The following CACNA1E variants were observed in gnomAD, a reference collection of about 807,000 sequenced individuals.
CACNA1E encodes calcium voltage-gated channel subunit alpha1 E, also known as voltage-dependent R-type calcium channel subunit alpha-1E.
Under a neutral mutation model 259.2 loss-of-function variants are expected in CACNA1E, and 40 were observed. The observed-to-expected ratio is 0.15, with a 90% CI of 0.12 to 0.20. The LOEUF is 0.20. CACNA1E is among the 10% of genes least tolerant of loss of function. The pLI, the probability that CACNA1E is intolerant of heterozygous loss-of-function variation, is 1.00. For missense variants in CACNA1E, 1,874 were observed against 3,040.1 expected, an observed-to-expected ratio of 0.62 and a Z score of 9.02; for synonymous variants, 1,104 against 1,138.5, an observed-to-expected ratio of 0.97 and a Z score of 0.61.
chr1:181,581,829 C>T (rs567592856), intron 6 of CACNA1E, among the ~76,000 whole-genome samples: 75 of 152,252 alleles, frequency 4.9e-4, no homozygotes, highest in African/African-American at 1.7e-3. Context: ...GCCTCTTATG[C>T]ACGCTCCCAC....
intron 1 of CACNA1E, among the ~76,000 whole-genome samples, chr1:181,320,308 G>GT (rs1650239840): frequency 6.6e-6 from 1 of 152,176 alleles, no homozygotes; most frequent in African/African-American, 2.4e-5. Context: ...AGAAATGTCT[G>GT]TTTTTTACTT....
chr1:181,466,131 GTTTA>G lies in CACNA1E; in HGVS notation c.435-17608_435-17605del, dbSNP rs150210901. On this transcript the variant is annotated intron_variant, in intron 2 of 11. Coordinates refer to the CACNA1E transcript ENST00000524607. ...TTGCTGTAGAGTTGATTTTCATGCA[GTTTA>G]TTTAACTGAAGGTACAGTTCTTTAA... is the stretch of plus-strand genomic sequence containing the variant. 3.4e-3 allele frequency among the ~76,000 whole-genome samples: 524 copies of G among 152,326 alleles called. 3 individuals carry two copies. The highest frequency in any genetic ancestry group is 0.012 in the African/African-American group (500 of 41,574).
intron 6 of CACNA1E, among the ~76,000 whole-genome samples, chr1:181,631,042 C>T (rs1437320689): frequency 6.6e-6 from 1 of 152,192 alleles, no homozygotes; most frequent in African/African-American, 2.4e-5. Context: ...GGGTTTTTCA[C>T]CCTCAGCCCC....
intron 2 of CACNA1E, among the ~76,000 whole-genome samples, chr1:181,433,607 A>G (rs1659864558): frequency 6.6e-6 from 1 of 152,096 alleles, no homozygotes; most frequent in African/African-American, 2.4e-5. Context: ...ACTCACTCCA[A>G]CCCAACCACT....
chr1:181,543,539 G>T (rs909526825), intron 3 of CACNA1E, among the ~76,000 whole-genome samples: 1 of 152,206 alleles, frequency 6.6e-6, no homozygotes, highest in African/African-American at 2.4e-5. Context: ...CCGTAAGAGA[G>T]CTTGCTTCAT....
At chr1:181,519,075 CTCGTGCATTCTTGT>C (rs1666805605) in intron 3 of CACNA1E, among the ~76,000 whole-genome samples, 1 of 152,144 alleles carries the variant, frequency 6.6e-6, no homozygotes, top group South Asian at 2.1e-4. Context: ...GGCAGTTAAA[CTCGTGCATTCTTGT>C]GCTTGTGCAT....
rs1024578422 is a variant in CACNA1E at position 181,805,521 on chromosome 1, T to A, written c.*6687T>A. ...GTTGTGGTCTTAGTTACATTTGATA[T>A]GGAGTTGTGTAATATTAAGCAGATC... is the stretch of plus-strand genomic sequence containing the variant. On this transcript the variant is annotated 3_prime_UTR_variant, in exon 48 of 48. Transcript: ENST00000367573. 1 of 152,360 alleles carries A rather than the reference T, an allele frequency of 6.6e-6. No homozygotes were observed. Among genetic ancestry groups the A allele is most frequent in the African/African-American group, 2.4e-5 (1 of 41,586 alleles). The allele number at this position is 152,360 out of a possible 1,614,324, so 9.4% of individuals were successfully genotyped here.
intron 3 of CACNA1E, among the ~76,000 whole-genome samples, chr1:181,548,962 C>A (rs1349638406): frequency 6.6e-6 from 1 of 152,130 alleles, no homozygotes; most frequent in African/African-American, 2.4e-5. Context: ...ATCTTTCAAG[C>A]CCCGAAACTG....
At chr1:181,557,538 CAG>C (rs1380312244) in intron 3 of CACNA1E, among the ~76,000 whole-genome samples, 3 of 152,178 alleles carry the variant, frequency 2.0e-5, no homozygotes, top group Non-Finnish European at 2.9e-5. Context: ...TCTGGGAAGA[CAG>C]AGATAATGAA....
intron 1 of CACNA1E, among the ~76,000 whole-genome samples, chr1:181,323,091 C>T (rs1036727912): frequency 6.6e-6 from 1 of 152,208 alleles, no homozygotes; most frequent in African/African-American, 2.4e-5. Flanking sequence ...AACTTGGTAT[C>T]AAAGTAGTTC....
At chr1:181,785,690 T>C (rs754029401) in intron 42 of CACNA1E, 23 bp from the exon 43 acceptor site, 30 of 1,509,468 alleles carry the variant, frequency 2.0e-5, no homozygotes, top group Admixed American at 3.4e-5. Flanking sequence ...ATTCTTTCCT[T>C]CTTCTTCCCT....
At chr1:181,506,275 G>A (rs1167791114) in intron 1 of CACNA1E, among the ~76,000 whole-genome samples, 2 of 152,226 alleles carry the variant, frequency 1.3e-5, no homozygotes, top group African/African-American at 4.8e-5. Flanking sequence ...GGTGTTATTT[G>A]CCGTCTAGGC....
intron 20 of CACNA1E, 112 bp downstream of exon 20, chr1:181,733,146 A>G: frequency 7.3e-7 from 1 of 1,374,272 alleles, no homozygotes; most frequent in African/African-American, 1.5e-5. Flanking sequence ...AATGGAAATG[A>G]TGCTGACACA....
At chr1:181,494,304 T>G (rs184860308) in intron 1 of CACNA1E, among the ~76,000 whole-genome samples, 18 of 151,832 alleles carry the variant, frequency 1.2e-4, no homozygotes, top group Admixed American at 9.8e-4. Flanking sequence ...TTAAAATACT[T>G]TTTAAAGTGG....
chr1:181,486,767 T>C (rs1663854386), intron 1 of CACNA1E, among the ~76,000 whole-genome samples: 1 of 152,362 alleles, frequency 6.6e-6, no homozygotes, highest in South Asian at 2.1e-4. Flanking sequence ...GTTGTTATTA[T>C]TAATGGCATC....
At chr1:181,401,042 A>T (rs988744694) in intron 1 of CACNA1E, among the ~76,000 whole-genome samples, 2 of 152,178 alleles carry the variant, frequency 1.3e-5, no homozygotes, top group African/African-American at 4.8e-5. Flanking sequence ...CGCCGATATC[A>T]TCTGCTGCTA....
chr1:181,759,151 A>G (rs1658351435), intron 32 of CACNA1E, among the ~76,000 whole-genome samples: 1 of 152,236 alleles, frequency 6.6e-6, no homozygotes, highest in South Asian at 2.1e-4. Flanking sequence ...ATTTATGTGT[A>G]GATGAAGGAG....
At chr1:181,375,601 C>T (rs1307745702) in intron 1 of CACNA1E, among the ~76,000 whole-genome samples, 4 of 152,204 alleles carry the variant, frequency 2.6e-5, no homozygotes, top group Non-Finnish European at 5.9e-5. Context: ...TTTTAATATT[C>T]ACAACAGCTC....
intron 39 of CACNA1E, 46 bp from the exon 40 acceptor site, chr1:181,783,633 A>ATTTTT: frequency 3.4e-6 from 3 of 872,330 alleles, no homozygotes; most frequent in Non-Finnish European, 5.3e-6. Context: ...ATGTCTTTCA[A>ATTTTT]TTTTTTTTTT....
Sources: gnomAD v4.1 joint callset for allele counts (sites outside exome capture counted in the v4.1 genomes callset) on GRCh38, gnomAD v4.1.1 for gene constraint, MANE v1.5 for transcripts, NCBI Gene and HGNC (gene_info 2026-07-23, HGNC 2026-07-21) for gene names.